The following CAMKMT variants were observed in gnomAD, a reference collection of about 807,000 sequenced individuals.
CAMKMT encodes CaM KMT.
Under a neutral mutation model 48.0 loss-of-function variants are expected in CAMKMT, and 53 were observed. The ratio of observed to expected loss-of-function variants is 1.10; its 90% CI spans 0.89 to 1.39. The LOEUF (loss-of-function observed/expected upper bound fraction) is 1.39. CAMKMT is among the 40% of genes most tolerant of loss of function. The pLI is 0.00. For synonymous variants in CAMKMT, 165 were observed against 152.3 expected, an observed-to-expected ratio of 1.08 and a Z score of -0.61; for missense variants, 428 against 402.7, an observed-to-expected ratio of 1.06 and a Z score of -0.54.
At chr2:44,629,799 TC>T (rs1672707601) in intron 3 of CAMKMT, among the ~76,000 whole-genome samples, 1 of 151,996 alleles carries the variant, frequency 6.6e-6, no homozygotes, top group African/African-American at 2.4e-5. Context: ...AGAATCAATA[TC>T]GTGAAAATGG....
chr2:44,684,980 C>T (rs1410845533), intron 3 of CAMKMT, among the ~76,000 whole-genome samples: 1 of 151,994 alleles, frequency 6.6e-6, no homozygotes, highest in Non-Finnish European at 1.5e-5. Context: ...AAGAGGGATT[C>T]ATTTTTTATT....
intron 3 of CAMKMT, among the ~76,000 whole-genome samples, chr2:44,680,413 G>C (rs1675950019): frequency 6.6e-6 from 1 of 152,126 alleles, no homozygotes; most frequent in African/African-American, 2.4e-5. Flanking sequence ...ATTTCATAAG[G>C]ACACCAGCAC....
intron 3 of CAMKMT, among the ~76,000 whole-genome samples, chr2:44,487,038 A>G (rs1669249196): frequency 6.6e-6 from 1 of 152,210 alleles, no homozygotes; most frequent in African/African-American, 2.4e-5. Context: ...GAATATTAGG[A>G]TGAGGAATTT....
chr2:44,643,794 C>T (rs1401807514), intron 3 of CAMKMT, among the ~76,000 whole-genome samples: 1 of 152,088 alleles, frequency 6.6e-6, no homozygotes, highest in Non-Finnish European at 1.5e-5. Context: ...TATCTTTTCC[C>T]TGTGAGCCTG....
At chr2:44,743,588 T>C in intron 7 of CAMKMT, 34 bp from the exon 8 acceptor site, 1 of 1,488,380 alleles carries the variant, frequency 6.7e-7, no homozygotes, top group Middle Eastern at 2.1e-4. Context: ...AAAAAAACCC[T>C]ATGTATAATT....
At chr2:44,687,703 G>C (rs775926979) in intron 3 of CAMKMT, among the ~76,000 whole-genome samples, 8 of 152,346 alleles carry the variant, frequency 5.3e-5, no homozygotes, top group Non-Finnish European at 1.2e-4. Context: ...AATTAAACCA[G>C]GGATTGGTTT....
chr2:44,611,125 G>A (rs573398376), intron 3 of CAMKMT, among the ~76,000 whole-genome samples: 2 of 152,086 alleles, frequency 1.3e-5, no homozygotes, highest in Non-Finnish European at 2.9e-5. Flanking sequence ...GTTAGGCTGA[G>A]TCCATTTAAA....
At chr2:44,487,487 T>C (rs1669269911) in intron 3 of CAMKMT, among the ~76,000 whole-genome samples, 1 of 152,232 alleles carries the variant, frequency 6.6e-6, no homozygotes. Context: ...ACATGCTTTC[T>C]GTCAAATTAA....
At chr2:44,445,233 G>A (rs1452165455) in intron 3 of CAMKMT, among the ~76,000 whole-genome samples, 1 of 152,146 alleles carries the variant, frequency 6.6e-6, no homozygotes, top group Non-Finnish European at 1.5e-5. Context: ...GCTACAAACT[G>A]CTTTGGCACC....
chr2:44,722,381 T>G (rs1318950844), intron 7 of CAMKMT, among the ~76,000 whole-genome samples: 1 of 152,154 alleles, frequency 6.6e-6, no homozygotes, highest in Non-Finnish European at 1.5e-5. Flanking sequence ...CTGAGCTGCT[T>G]GCTTAGATAT....
chr2:44,599,597 A>G (rs62132287), intron 3 of CAMKMT, among the ~76,000 whole-genome samples: 6,792 of 152,196 alleles, frequency 0.045, 199 homozygotes, highest in Non-Finnish European at 0.064. Context: ...AGATCAATCT[A>G]TGTAAATTTT....
intron 3 of CAMKMT, among the ~76,000 whole-genome samples, chr2:44,539,062 G>C (rs1666945891): frequency 6.6e-6 from 1 of 151,378 alleles, no homozygotes; most frequent in Non-Finnish European, 1.5e-5. Flanking sequence ...CTAGCACTTT[G>C]GGAGGCCGAG....
chr2:44,748,394 T>C (rs1340041005), intron 8 of CAMKMT, among the ~76,000 whole-genome samples: 1 of 152,064 alleles, frequency 6.6e-6, no homozygotes, highest in Non-Finnish European at 1.5e-5. Flanking sequence ...TAAGGTGCTG[T>C]TCATTTTTTT....
At chr2:44,448,435 G>T (rs1667119711) in intron 3 of CAMKMT, among the ~76,000 whole-genome samples, 1 of 152,184 alleles carries the variant, frequency 6.6e-6, no homozygotes, top group South Asian at 2.1e-4. Context: ...TGCTGCGTGA[G>T]AATTTCTTTG....
At chr2:44,446,396 G>T (rs1352259578) in intron 3 of CAMKMT, among the ~76,000 whole-genome samples, 1 of 152,040 alleles carries the variant, frequency 6.6e-6, no homozygotes, top group East Asian at 1.9e-4. Context: ...ACCCAGGCTG[G>T]AGTGTAGTGT....
intron 2 of CAMKMT, among the ~76,000 whole-genome samples, chr2:44,387,393 A>C (rs1049749146): frequency 7.2e-5 from 11 of 152,094 alleles, no homozygotes; most frequent in African/African-American, 2.7e-4. Context: ...CTTTAAGTTA[A>C]GTGTGAGTCC....
chr2:44,748,783 A>G (rs954999641), intron 8 of CAMKMT, among the ~76,000 whole-genome samples: 2 of 152,254 alleles, frequency 1.3e-5, no homozygotes, highest in African/African-American at 4.8e-5. Flanking sequence ...AGACTGAGGC[A>G]GGAGAATGGC....
chr2:44,369,993 C>G (rs1319208119), intron 1 of CAMKMT: 1 of 152,176 alleles, frequency 6.6e-6, no homozygotes, highest in Non-Finnish European at 1.5e-5. Flanking sequence ...CTTTCCAACT[C>G]TATAAAATAG....
chr2:44,648,560 T>G (rs557260414), intron 3 of CAMKMT, among the ~76,000 whole-genome samples: 4 of 152,352 alleles, frequency 2.6e-5, no homozygotes, highest in African/African-American at 4.8e-5. Context: ...ATGGATGCAA[T>G]AAAATCATTT....
Sources: gnomAD v4.1 joint callset for allele counts (sites outside exome capture counted in the v4.1 genomes callset) on GRCh38, gnomAD v4.1.1 for gene constraint, MANE v1.5 for transcripts, NCBI Gene and HGNC (gene_info 2026-07-23, HGNC 2026-07-21) for gene names.